Variants in CNTNAP2 observed in about 807,000 individuals in gnomAD.
CNTNAP2 encodes contactin-associated protein-like 2.
CNTNAP2 carries 98 observed loss-of-function variants against 155.2 expected under a neutral mutation model. The ratio of observed to expected loss-of-function variants is 0.63; its 90% CI spans 0.54 to 0.75. CNTNAP2 has a LOEUF of 0.75. Among genes scored for constraint, CNTNAP2 ranks in the 30% least tolerant of loss-of-function variants. The pLI is 0.00. For synonymous variants in CNTNAP2, 651 were observed against 631.2 expected (o/e 1.03, Z -0.47); for missense variants, 1,727 against 1,688.1 (o/e 1.02, Z -0.40).
chr7:147,226,129 TTAAG>T (rs1803538124), intron 8 of CNTNAP2, among the ~76,000 whole-genome samples: 1 of 152,310 alleles, frequency 6.6e-6, no homozygotes, highest in East Asian at 1.9e-4. Context: ...TTTGAGCATG[TTAAG>T]TTGCAAAGCC....
intron 8 of CNTNAP2, among the ~76,000 whole-genome samples, chr7:147,168,315 A>T (rs1802161299): frequency 6.6e-6 from 1 of 151,876 alleles, no homozygotes; most frequent in Admixed American, 6.6e-5. Flanking sequence ...GTAGACATTT[A>T]AAATGATATT....
intron 13 of CNTNAP2, among the ~76,000 whole-genome samples, chr7:147,741,718 C>A (rs1257893119): frequency 6.6e-6 from 1 of 151,234 alleles, no homozygotes; most frequent in East Asian, 1.9e-4. Context: ...GTAAAGCTAC[C>A]CCCTCAAAAA....
chr7:147,380,643 G>C (rs185447145), intron 9 of CNTNAP2, among the ~76,000 whole-genome samples: 1 of 152,036 alleles, frequency 6.6e-6, no homozygotes, highest in Non-Finnish European at 1.5e-5. Flanking sequence ...TTCTTGGCTC[G>C]CCAATTTCAA....
intron 9 of CNTNAP2, among the ~76,000 whole-genome samples, chr7:147,312,925 T>C (rs2116799741): frequency 2.3e-5 from 3 of 130,340 alleles, no homozygotes; most frequent in African/African-American, 3.3e-5. Flanking sequence ...CAGCACCTGT[T>C]GTTTCCTGAG....
chr7:146,339,979 C>T (rs899959816), intron 1 of CNTNAP2, among the ~76,000 whole-genome samples: 1 of 151,904 alleles, frequency 6.6e-6, no homozygotes, highest in Non-Finnish European at 1.5e-5. Flanking sequence ...AACCATCCGG[C>T]TAACACGGTG....
intron 13 of CNTNAP2, among the ~76,000 whole-genome samples, chr7:147,878,020 A>G (rs759178): frequency 6.6e-6 from 1 of 151,962 alleles, no homozygotes; most frequent in African/African-American, 2.4e-5. Flanking sequence ...TGAGTTTTCT[A>G]ATTACTATAT....
chr7:146,934,252 T>C (rs1046739263), intron 3 of CNTNAP2, among the ~76,000 whole-genome samples: 4 of 152,092 alleles, frequency 2.6e-5, no homozygotes, highest in Non-Finnish European at 5.9e-5. Context: ...CATGGAATAC[T>C]ATGCAGCCAT....
chr7:146,982,692 T>C (rs1405586046), intron 3 of CNTNAP2, among the ~76,000 whole-genome samples: 1 of 152,174 alleles, frequency 6.6e-6, no homozygotes, highest in African/African-American at 2.4e-5. Context: ...TCTGCTTGGC[T>C]TCATGCTTGA....
chr7:147,710,372 C>T (rs1013648221), intron 13 of CNTNAP2, among the ~76,000 whole-genome samples: 4 of 152,138 alleles, frequency 2.6e-5, no homozygotes, highest in African/African-American at 9.7e-5. Context: ...TGAAACACAG[C>T]CTCACAGACT....
intron 3 of CNTNAP2, among the ~76,000 whole-genome samples, chr7:146,932,771 C>G (rs953465269): frequency 3.9e-5 from 6 of 152,070 alleles, no homozygotes; most frequent in Admixed American, 3.3e-4. Context: ...ACAAAAATCA[C>G]AAGCATTCTT....
intron 1 of CNTNAP2, among the ~76,000 whole-genome samples, chr7:146,770,349 CAT>C (rs1165681014): frequency 1.9e-4 from 28 of 144,686 alleles, no homozygotes; most frequent in South Asian, 8.5e-4. Flanking sequence ...CACACACACA[CAT>C]ATACATATAA....
intron 13 of CNTNAP2, among the ~76,000 whole-genome samples, chr7:147,833,948 G>C (rs1398185616): frequency 1.3e-5 from 2 of 152,080 alleles, no homozygotes; most frequent in Admixed American, 1.3e-4. Flanking sequence ...ACAAGAGGGA[G>C]GGGACGGCAT....
At chr7:146,375,435 G>C (rs1357337912) in intron 1 of CNTNAP2, among the ~76,000 whole-genome samples, 1 of 152,202 alleles carries the variant, frequency 6.6e-6, no homozygotes, top group Non-Finnish European at 1.5e-5. Context: ...TCCTGTCAGA[G>C]AAGGGATTAG....
chr7:146,295,117 G>A (rs539403701), intron 1 of CNTNAP2, among the ~76,000 whole-genome samples: 4 of 152,158 alleles, frequency 2.6e-5, no homozygotes, highest in African/African-American at 9.6e-5. Context: ...AAAAATTCAC[G>A]AGGTAGTCAG....
At chr7:148,296,221 T>C (rs1354390339) in intron 21 of CNTNAP2, among the ~76,000 whole-genome samples, 1 of 151,912 alleles carries the variant, frequency 6.6e-6, no homozygotes, top group Non-Finnish European at 1.5e-5. Flanking sequence ...GTCAAAAAGG[T>C]CCCCAAAATA....
chr7:147,219,690 C>G (rs754880075), intron 8 of CNTNAP2, among the ~76,000 whole-genome samples: 16 of 152,296 alleles, frequency 1.1e-4, no homozygotes, highest in Non-Finnish European at 1.5e-5. Context: ...ATCCTTTAAT[C>G]CAATGAAGTT....
chr7:148,412,370 T>C (rs1799862441), intron 23 of CNTNAP2, among the ~76,000 whole-genome samples: 2 of 152,270 alleles, frequency 1.3e-5, no homozygotes, highest in Non-Finnish European at 2.9e-5. Flanking sequence ...ATCTTAACGA[T>C]ATTTAGTATT....
At chr7:146,500,183 G>A (rs1437452934) in intron 1 of CNTNAP2, among the ~76,000 whole-genome samples, 2 of 152,108 alleles carry the variant, frequency 1.3e-5, no homozygotes, top group African/African-American at 4.8e-5. Flanking sequence ...TCTGAGAATA[G>A]GTGTTACCAA....
chr7:146,851,605 G>T (rs997606742), intron 3 of CNTNAP2, among the ~76,000 whole-genome samples: 1 of 151,220 alleles, frequency 6.6e-6, no homozygotes, highest in Admixed American at 6.6e-5. Context: ...TCCTTGGCTC[G>T]CAGGTGGTTA....
Sources: allele counts gnomAD v4.1 joint callset (sites outside exome capture counted in the v4.1 genomes callset), GRCh38; gene constraint gnomAD v4.1.1; transcripts MANE v1.5; gene names NCBI Gene and HGNC (gene_info 2026-07-23, HGNC 2026-07-21).